Variants in AGO2 observed in about 807,000 individuals in gnomAD.
AGO2 encodes argonaute RISC catalytic component 2, also known as protein argonaute-2.
A neutral mutation model predicts 102.3 loss-of-function variants in AGO2; 5 were observed. That is an observed-to-expected ratio of 0.05 (90% CI 0.03 to 0.10). The LOEUF (loss-of-function observed/expected upper bound fraction) is 0.10. Among genes scored for constraint, AGO2 ranks in the 10% least tolerant of loss-of-function variants. The probability of loss-of-function intolerance (pLI) is 1.00; values close to 1 mark genes in which losing one functional copy is unlikely to be tolerated. For missense variants in AGO2, 541 were observed against 1,183.7 expected (o/e 0.46, Z 7.97); for synonymous variants, 449 against 473.1 (o/e 0.95, Z 0.66).
At chr8:140,538,350 C>A (rs192232062) in intron 16 of AGO2, among the ~76,000 whole-genome samples, 5 of 152,238 alleles carry the variant, frequency 3.3e-5, no homozygotes, top group Admixed American at 3.3e-4. Flanking sequence ...CAGTCCAAGG[C>A]CTCCTTTCTG....
At chr8:140,611,004 T>C (rs965988636) in intron 1 of AGO2, among the ~76,000 whole-genome samples, 1 of 152,232 alleles carries the variant, frequency 6.6e-6, no homozygotes, top group Admixed American at 6.5e-5. Flanking sequence ...CACGCGCGCA[T>C]GCAGATCATT....
At chr8:140,611,190 G>A (rs952993557) in intron 1 of AGO2, among the ~76,000 whole-genome samples, 1 of 152,226 alleles carries the variant, frequency 6.6e-6, no homozygotes, top group Non-Finnish European at 1.5e-5. Flanking sequence ...GCAAGGCGGC[G>A]ATGGCAGGCA....
At position 140,523,639 on chromosome 8, in the gene AGO2, T is replaced by C. The variant is rs2072451829; in HGVS notation, c.*8405A>G. On this transcript the variant is annotated 3_prime_UTR_variant, in exon 19 of 19. Coordinates refer to ENST00000220592, the MANE Select transcript of AGO2 (RefSeq NM_012154.5). ...TCTACAGTTATAAAACATGAATTCA[T>C]ACCTTTAACAACTACATTAAAATCC... is the stretch of plus-strand genomic sequence containing the variant. The C allele has an allele frequency of 6.6e-6, 1 of 152,162 alleles. No individual in the cohort carries two copies. The highest frequency in any genetic ancestry group is 1.9e-4 in the East Asian group (1 of 5,198). The allele number at this position is 152,162 out of a possible 1,614,324, so 9.4% of individuals were successfully genotyped here.
chr8:140,575,172 G>A (rs1464855228), intron 2 of AGO2, among the ~76,000 whole-genome samples: 1 of 152,114 alleles, frequency 6.6e-6, no homozygotes, highest in Non-Finnish European at 1.5e-5. Context: ...CAGCCCCGAA[G>A]GCCGTCAGCA....
intron 16 of AGO2, among the ~76,000 whole-genome samples, chr8:140,537,626 A>AT (rs758785912): frequency 1.5e-4 from 23 of 150,988 alleles, no homozygotes; most frequent in Non-Finnish European, 3.1e-4. Context: ...TTAGTTTTTC[A>AT]TTTTTGTCTG....
chr8:140,540,328 C>G lies in AGO2; in HGVS notation c.2034+836G>C, dbSNP rs1035333584. On this transcript the variant is annotated intron_variant, in intron 15 of 18. Transcript: ENST00000220592. The surrounding 1 kb of genome is among the most constrained non-coding windows in gnomAD (Gnocchi z 5.0). The stretch of plus-strand genomic sequence containing the variant: ...AGTTCCTAAGCTCCTGGGGCAGCCA[C>G]GGAGGATGTCTTCCCACCCCACTGG... Among the ~76,000 whole-genome samples, 5 of 152,104 alleles carry G rather than the reference C, an allele frequency of 3.3e-5. No homozygotes were observed. Among genetic ancestry groups the G allele is most frequent in the African/African-American group, 7.2e-5 (3 of 41,428 alleles).
upstream of AGO2, chr8:140,638,091 C>G (rs1299217562): frequency 6.6e-6 from 1 of 152,284 alleles, no homozygotes; most frequent in African/African-American, 2.4e-5. Context: ...TTGCAGCAGC[C>G]TGGCCTGCAG....
At chr8:140,554,930 C>A (rs567983138) in intron 10 of AGO2, among the ~76,000 whole-genome samples, 15 of 152,280 alleles carry the variant, frequency 9.9e-5, no homozygotes, top group Middle Eastern at 6.8e-3. Flanking sequence ...CCCGTCTCAG[C>A]CTCCCGAAGT....
At chr8:140,577,869 G>A (rs544300950) in intron 2 of AGO2, among the ~76,000 whole-genome samples, 20 of 152,342 alleles carry the variant, frequency 1.3e-4, no homozygotes, top group African/African-American at 4.6e-4. Context: ...GCTCACTGAC[G>A]GTCCTGCAGG....
At chr8:140,576,947 C>A (rs749425087) in intron 2 of AGO2, among the ~76,000 whole-genome samples, 2 of 152,152 alleles carry the variant, frequency 1.3e-5, no homozygotes, top group African/African-American at 4.8e-5. Flanking sequence ...ATGGCTCACA[C>A]CTGTAATCCC....
intron 16 of AGO2, among the ~76,000 whole-genome samples, chr8:140,538,505 A>G (rs1487971774): frequency 1.3e-5 from 2 of 152,204 alleles, no homozygotes; most frequent in African/African-American, 4.8e-5. Context: ...GCTGTGGAGA[A>G]TTCTCAGCTC....
chr8:140,578,233 C>T (rs1352478196), intron 2 of AGO2, among the ~76,000 whole-genome samples: 1 of 152,200 alleles, frequency 6.6e-6, no homozygotes, highest in Non-Finnish European at 1.5e-5. Context: ...GGGTCCCTTC[C>T]CTCCTCAAAC....
chr8:140,590,401 C>T (rs1381727930), intron 1 of AGO2, among the ~76,000 whole-genome samples: 3 of 151,972 alleles, frequency 2.0e-5, no homozygotes, highest in Admixed American at 6.6e-5. Flanking sequence ...CAAACACGGA[C>T]GCCGAGGAAG....
At chr8:140,625,782 A>G (rs552213984) in intron 1 of AGO2, among the ~76,000 whole-genome samples, 1 of 152,324 alleles carries the variant, frequency 6.6e-6, no homozygotes, top group Admixed American at 6.5e-5. Context: ...AGAACATTCC[A>G]GGAGAATGCT....
chr8:140,558,232 G>T (rs1264835722), intron 7 of AGO2, among the ~76,000 whole-genome samples: 2 of 152,340 alleles, frequency 1.3e-5, no homozygotes, highest in African/African-American at 4.8e-5. Flanking sequence ...CCTCTGTGAG[G>T]CTCAGGAAGG....
chr8:140,541,383 G>T (rs370319263), intron 14 of AGO2, 25 bp from the exon 15 acceptor site: 3 of 1,556,432 alleles, frequency 1.9e-6, no homozygotes, highest in Non-Finnish European at 2.6e-6. Flanking sequence ...AGTGAGTGTG[G>T]TCAGGGGTTC....
chr8:140,588,763 T>C (rs950530254), intron 1 of AGO2, among the ~76,000 whole-genome samples: 2 of 152,244 alleles, frequency 1.3e-5, no homozygotes, highest in Admixed American at 6.5e-5. Context: ...GGAGGGGCGA[T>C]GGCTCCCCGG....
rs943078892 is a variant in AGO2, at chr8:140,530,311, G to C, written c.*1733C>G. 18 of 139,506 alleles carry C rather than the reference G, an allele frequency of 1.3e-4. No individual in the cohort carries two copies. The highest frequency in any genetic ancestry group is 4.2e-4 in the South Asian group (2 of 4,734). The allele number at this position is 139,506 out of a possible 1,614,324, so 8.6% of individuals were successfully genotyped here. On this transcript the variant is annotated 3_prime_UTR_variant, in exon 19 of 19. Transcript: ENST00000220592. ...CCAAAGCAGCTGAGCACAAAGGTGGGGGGGGGGGTGCCGCTGAGCAGGAGG... is the reference window on the plus strand; with the variant it reads ...CCAAAGCAGCTGAGCACAAAGGTGGCGGGGGGGGTGCCGCTGAGCAGGAGG...
At chr8:140,536,405 C>T (rs570001457) in intron 16 of AGO2, among the ~76,000 whole-genome samples, 24 of 151,396 alleles carry the variant, frequency 1.6e-4, no homozygotes, top group African/African-American at 5.6e-4. Flanking sequence ...CGGCTCACTG[C>T]AACCTCTGCC....
Sources: allele counts gnomAD v4.1 joint callset (sites outside exome capture counted in the v4.1 genomes callset), GRCh38; gene constraint gnomAD v4.1.1; non-coding constraint Gnocchi (gnomAD v3.1); transcripts MANE v1.5; gene names NCBI Gene and HGNC (gene_info 2026-07-23, HGNC 2026-07-21).